The following GPHN variants were observed in gnomAD, a reference collection of about 807,000 sequenced individuals.
GPHN encodes the protein gephyrin.
In GPHN, 17 loss-of-function variants were observed where a neutral mutation model predicts 95.5. That is an observed-to-expected ratio of 0.18 (90% CI 0.12 to 0.27). GPHN has a LOEUF of 0.27. Among genes scored for constraint, GPHN ranks in the 10% least tolerant of loss-of-function variants. The pLI, the probability that GPHN is intolerant of heterozygous loss-of-function variation, is 1.00. For missense variants in GPHN, 660 were observed against 978.1 expected (o/e 0.67, Z 4.34); for synonymous variants, 320 against 322.5 (o/e 0.99, Z 0.08).
intron 12 of GPHN, 58 bp downstream of exon 12, chr14:67,089,133 CTTTTTTTTT>C (rs1163483546): frequency 2.2e-4 from 44 of 200,426 alleles, no homozygotes; most frequent in Non-Finnish European, 2.4e-4. Flanking sequence ...TTCTTTTTTT[CTTTTTTTTT>C]TTTTTTTTTT....
the GPHN span, chr14:67,572,129 G>A: frequency 1.9e-5 from 30 of 1,603,726 alleles, no homozygotes; most frequent in African/African-American, 2.7e-5. Context: ...CTCCTCCCTC[G>A]GCAAGGCGTC....
the GPHN span, chr14:67,651,124 T>C: frequency 4.2e-5 from 38 of 904,370 alleles, no homozygotes; most frequent in Non-Finnish European, 5.6e-5. Flanking sequence ...TCACAGGGTA[T>C]TAATATGCTA....
intron 5 of GPHN, among the ~76,000 whole-genome samples, chr14:66,914,088 T>A (rs2153557255): frequency 6.6e-6 from 1 of 152,144 alleles, no homozygotes; most frequent in East Asian, 1.9e-4. Flanking sequence ...ACAAATGTAA[T>A]CTCCTGGCTG....
At chr14:67,586,329 C>T in the GPHN span, 3 of 1,365,734 alleles carry the variant, frequency 2.2e-6, no homozygotes, top group African/African-American at 2.9e-5. Flanking sequence ...GGCCTAGCTA[C>T]TATTATGCTC....
intron 17 of GPHN, among the ~76,000 whole-genome samples, chr14:67,138,451 CTATTA>C (rs766108444): frequency 3.2e-4 from 48 of 152,178 alleles, no homozygotes; most frequent in Non-Finnish European, 5.7e-4. Flanking sequence ...TGTTTTCTCT[CTATTA>C]TATTATTCAT....
chr14:67,646,709 T>A, the GPHN span: 2 of 1,613,844 alleles, frequency 1.2e-6, no homozygotes, highest in Non-Finnish European at 1.7e-6. Flanking sequence ...TTGTGTATAT[T>A]GGTCTGAGAG....
At chr14:67,200,893 A>G in the GPHN span, among the ~76,000 whole-genome samples, 6 of 152,234 alleles carry the variant, frequency 3.9e-5, no homozygotes, top group Admixed American at 2.0e-4. Context: ...CGTTGCCCCC[A>G]TCGTAATTTG....
chr14:67,199,793 C>T, the GPHN span: 2 of 1,519,512 alleles, frequency 1.3e-6, no homozygotes, highest in East Asian at 4.5e-5. Flanking sequence ...CTCCTTCCCA[C>T]CCCCAGTGCT....
At chr14:67,473,816 G>A in the GPHN span, 5 of 1,613,852 alleles carry the variant, frequency 3.1e-6, no homozygotes, top group Non-Finnish European at 3.4e-6. The surrounding 1 kb of genome is among the most constrained non-coding windows in gnomAD (Gnocchi z 6.5). Flanking sequence ...TCCAGTTCAA[G>A]TTCACCACGA....
chr14:67,701,380 T>A, the GPHN span, among the ~76,000 whole-genome samples: 1 of 150,110 alleles, frequency 6.7e-6, no homozygotes, highest in Non-Finnish European at 1.5e-5. Context: ...GCCAACTTAA[T>A]CACATATACA....
the GPHN span, chr14:67,197,171 G>A: frequency 6.6e-6 from 1 of 152,086 alleles, no homozygotes; most frequent in African/African-American, 2.4e-5. Context: ...TCAAGTAAGC[G>A]GCCCATCTTG....
chr14:67,650,802 T>C, the GPHN span: 1 of 1,614,014 alleles, frequency 6.2e-7, no homozygotes, highest in Non-Finnish European at 8.5e-7. Flanking sequence ...AACCTGGCAG[T>C]AGATGTGATT....
chr14:67,579,638 T>C, the GPHN span: 1 of 1,369,732 alleles, frequency 7.3e-7, no homozygotes, highest in South Asian at 1.4e-5. Context: ...CCTTTCCACC[T>C]GCTGTATCCA....
Position 67,181,409 on chromosome 14 carries a change from T to G in GPHN, c.*472T>G. On this transcript the variant is annotated 3_prime_UTR_variant, in exon 23 of 23. Transcript: ENST00000478722. ...TGTTCTTTCTCATGTATCTCGTGTTTATGTGCACAGTGCCAAAAGAAGACT... is the reference window on the plus strand; with the variant it reads ...TGTTCTTTCTCATGTATCTCGTGTTGATGTGCACAGTGCCAAAAGAAGACT... The G allele has an allele frequency of 2.0e-6, 1 of 498,544 alleles. No homozygotes were observed. The highest frequency in any genetic ancestry group is 1.9e-5 in the African/African-American group (1 of 51,916). 30.9% of individuals were successfully genotyped at this position (498,544 alleles called of 1,614,324 possible).
At chr14:67,333,091 C>G in the GPHN span, 2 of 723,002 alleles carry the variant, frequency 2.8e-6, no homozygotes, top group Admixed American at 3.1e-5. Context: ...TCTTAGATCT[C>G]TTGAATTAGT....
At position 66,717,514 on chromosome 14, in the gene GPHN, G is replaced by A. The variant is rs947677835; in HGVS notation, c.143+36329G>A. 2.0e-5 allele frequency among the ~76,000 whole-genome samples: 3 copies of A among 151,966 alleles called. No individual in the cohort carries two copies. In the East Asian group the frequency reaches 5.8e-4, roughly 29 times the overall value. On this transcript the variant is annotated intron_variant, in intron 2 of 22. Coordinates refer to ENST00000478722, the MANE Select transcript of GPHN (RefSeq NM_020806.5). ...CAGAATTCTTTTTCAGGTAAATCAG[G>A]GATTTTTTCTTGGTTTGTATCAATT...
At chr14:67,424,366 C>G in the GPHN span, among the ~76,000 whole-genome samples, 1 of 151,932 alleles carries the variant, frequency 6.6e-6, no homozygotes, top group Non-Finnish European at 1.5e-5. Context: ...GCCTACAGTC[C>G]TAGCACTCTG....
At chr14:66,872,239 C>T (rs1037448150) in intron 4 of GPHN, among the ~76,000 whole-genome samples, 9 of 152,204 alleles carry the variant, frequency 5.9e-5, no homozygotes, top group African/African-American at 2.2e-4. Flanking sequence ...TAGCATTCTA[C>T]TTTCAAAGAA....
chr14:67,221,608 T>G, the GPHN span: 4 of 521,916 alleles, frequency 7.7e-6, no homozygotes, highest in East Asian at 5.9e-4. Context: ...ATTTAGGTAA[T>G]TTTATTCTCA....
Sources: allele counts gnomAD v4.1 joint callset (sites outside exome capture counted in the v4.1 genomes callset), GRCh38; gene constraint gnomAD v4.1.1; non-coding constraint Gnocchi (gnomAD v3.1); transcripts MANE v1.5; gene names NCBI Gene and HGNC (gene_info 2026-07-23, HGNC 2026-07-21).